Variants in KHDRBS2 observed in about 807,000 individuals in gnomAD.
KHDRBS2 encodes KH RNA binding domain containing, signal transduction associated 2.
Under a neutral mutation model 44.3 loss-of-function variants are expected in KHDRBS2, and 26 were observed. The ratio of observed to expected loss-of-function variants is 0.59; its 90% CI spans 0.43 to 0.81. The LOEUF (loss-of-function observed/expected upper bound fraction) is 0.81, where lower values mean the gene tolerates loss of function less well. Ranked by LOEUF, KHDRBS2 falls within the 40% of genes least tolerant of loss-of-function variation. The pLI, the probability that KHDRBS2 is intolerant of heterozygous loss-of-function variation, is 0.00. For synonymous variants in KHDRBS2, 194 were observed against 151.1 expected, an observed-to-expected ratio of 1.28 and a Z score of -2.08; for missense variants, 476 against 433.1, an observed-to-expected ratio of 1.10 and a Z score of -0.88.
chr6:62,136,554 G>A (rs879576268), intron 2 of KHDRBS2, among the ~76,000 whole-genome samples: 1 of 152,082 alleles, frequency 6.6e-6, no homozygotes, highest in Non-Finnish European at 1.5e-5. Context: ...AATGGCATTT[G>A]CTTTTGCTTT....
At chr6:61,854,870 T>C (rs1432063754) in intron 6 of KHDRBS2, among the ~76,000 whole-genome samples, 1 of 152,182 alleles carries the variant, frequency 6.6e-6, no homozygotes, top group Non-Finnish European at 1.5e-5. Context: ...TGGTGCCTTT[T>C]GGATTTAATA....
chr6:62,207,025 T>C (rs1427958926), intron 1 of KHDRBS2, among the ~76,000 whole-genome samples: 1 of 152,096 alleles, frequency 6.6e-6, no homozygotes. Flanking sequence ...CATCACAATG[T>C]AATGTATGAA....
At chr6:62,021,406 A>G (rs1782279649) in intron 3 of KHDRBS2, among the ~76,000 whole-genome samples, 1 of 151,932 alleles carries the variant, frequency 6.6e-6, no homozygotes, top group East Asian at 1.9e-4. Flanking sequence ...CCTTGGACTT[A>G]AAAGTTAAAA....
At chr6:61,787,420 C>A (rs1344113984) in intron 6 of KHDRBS2, among the ~76,000 whole-genome samples, 1 of 151,722 alleles carries the variant, frequency 6.6e-6, no homozygotes, top group African/African-American at 2.4e-5. Context: ...AGATACTATT[C>A]TACAATGTGA....
intron 2 of KHDRBS2, among the ~76,000 whole-genome samples, chr6:62,161,929 C>T (rs566145895): frequency 6.6e-6 from 1 of 152,060 alleles, no homozygotes; most frequent in South Asian, 2.1e-4. Context: ...TACCTGTTTC[C>T]ATTGTTGATG....
intron 1 of KHDRBS2, among the ~76,000 whole-genome samples, chr6:62,230,702 AAGTT>A (rs1295702146): frequency 2.6e-5 from 4 of 152,170 alleles, no homozygotes; most frequent in African/African-American, 7.2e-5. Context: ...AACCTTTTGA[AAGTT>A]AGGGGGAATG....
At chr6:61,556,859 A>C in the KHDRBS2 span, among the ~76,000 whole-genome samples, 1 of 145,332 alleles carries the variant, frequency 6.9e-6, no homozygotes, top group African/African-American at 2.5e-5. Context: ...GGACATCCGT[A>C]AGTGAAATTG....
At chr6:61,828,448 A>C (rs1052476025) in intron 6 of KHDRBS2, among the ~76,000 whole-genome samples, 1 of 152,218 alleles carries the variant, frequency 6.6e-6, no homozygotes, top group African/African-American at 2.4e-5. Context: ...AAGGGTTATA[A>C]GTGCCCTTTC....
At chr6:62,135,028 A>C (rs186471497) in intron 2 of KHDRBS2, among the ~76,000 whole-genome samples, 13 of 152,288 alleles carry the variant, frequency 8.5e-5, no homozygotes, top group Non-Finnish European at 1.6e-4. Flanking sequence ...TTGGGAAGGC[A>C]TGATTGATTT....
chr6:61,916,685 CAAG>C (rs1232941744), intron 4 of KHDRBS2, among the ~76,000 whole-genome samples: 1 of 151,766 alleles, frequency 6.6e-6, no homozygotes, highest in Non-Finnish European at 1.5e-5. Context: ...TACAAATCAA[CAAG>C]AAGAAAACAA....
the KHDRBS2 span, among the ~76,000 whole-genome samples, chr6:61,563,944 G>T: frequency 2.6e-5 from 4 of 152,094 alleles, no homozygotes; most frequent in East Asian, 5.8e-4. Context: ...AGGAATGAGA[G>T]TCCGCTTATG....
intron 6 of KHDRBS2, among the ~76,000 whole-genome samples, chr6:61,797,134 T>C (rs1342126063): frequency 6.6e-6 from 1 of 152,118 alleles, no homozygotes; most frequent in Non-Finnish European, 1.5e-5. Flanking sequence ...CTGAGGAACC[T>C]AGCTGAACAT....
At position 61,957,365 on chromosome 6, in the gene KHDRBS2, C is replaced by T. The variant is rs186970014; in HGVS notation, c.483+20701G>A. Among the ~76,000 whole-genome samples, 15 of 152,198 alleles carry T rather than the reference C, an allele frequency of 9.9e-5. No individual in the cohort carries two copies. In the East Asian group the frequency reaches 1.2e-3, roughly 12 times the overall value. On this transcript the variant is annotated intron_variant, in intron 4 of 8. Transcript: ENST00000281156. Reference sequence around the variant, plus strand: ...GAGATAACCTTAAACTCTTGACTGCCGGTGAGCCAGGTGGAACAGAGCCAT... The same window carrying T: ...GAGATAACCTTAAACTCTTGACTGCTGGTGAGCCAGGTGGAACAGAGCCAT...
chr6:61,965,242 A>G (rs1332912603), intron 4 of KHDRBS2, among the ~76,000 whole-genome samples: 3 of 152,020 alleles, frequency 2.0e-5, no homozygotes, highest in Non-Finnish European at 4.4e-5. Flanking sequence ...TGCTCCCCCT[A>G]CTTACAAATC....
At chr6:61,906,567 T>A (rs1805068632) in intron 4 of KHDRBS2, among the ~76,000 whole-genome samples, 1 of 152,126 alleles carries the variant, frequency 6.6e-6, no homozygotes, top group Non-Finnish European at 1.5e-5. Flanking sequence ...TTCTTCCTGG[T>A]CTCTGGTAAC....
intron 6 of KHDRBS2, among the ~76,000 whole-genome samples, chr6:61,778,905 G>C (rs1442678148): frequency 6.6e-6 from 1 of 152,138 alleles, no homozygotes; most frequent in East Asian, 1.9e-4. Flanking sequence ...ATCTTCCACT[G>C]CTTTGCTCAC....
At chr6:61,584,416 G>A in the KHDRBS2 span, among the ~76,000 whole-genome samples, 2 of 151,718 alleles carry the variant, frequency 1.3e-5, no homozygotes, top group South Asian at 4.2e-4. Context: ...AATATAAATG[G>A]GTAGTTATCA....
chr6:62,114,584 A>C (rs2150077624), intron 2 of KHDRBS2, among the ~76,000 whole-genome samples: 1 of 152,250 alleles, frequency 6.6e-6, no homozygotes, highest in South Asian at 2.1e-4. Context: ...TTATGATCTA[A>C]GTGATGGGAG....
chr6:61,771,839 A>C (rs1239668785), intron 6 of KHDRBS2, among the ~76,000 whole-genome samples: 1 of 152,218 alleles, frequency 6.6e-6, no homozygotes, highest in Non-Finnish European at 1.5e-5. Flanking sequence ...GAGCGGACCT[A>C]ATAGAAATCT....
Sources: allele counts gnomAD v4.1 joint callset (sites outside exome capture counted in the v4.1 genomes callset), GRCh38; gene constraint gnomAD v4.1.1; transcripts MANE v1.5; gene names NCBI Gene and HGNC (gene_info 2026-07-23, HGNC 2026-07-21).